Variants in ASIC2 observed in about 807,000 individuals in gnomAD.
ASIC2 encodes acid-sensing ion channel 2.
A neutral mutation model predicts 57.3 loss-of-function variants in ASIC2; 25 were observed. That is an observed-to-expected ratio of 0.44 (90% CI 0.32 to 0.61). The LOEUF (loss-of-function observed/expected upper bound fraction) is 0.61, where lower values mean the gene tolerates loss of function less well. Among genes scored for constraint, ASIC2 ranks in the 20% least tolerant of loss-of-function variants. The probability of loss-of-function intolerance (pLI) is 0.06; values close to 1 mark genes in which losing one functional copy is unlikely to be tolerated. For synonymous variants in ASIC2, 319 were observed against 307.5 expected (o/e 1.04, Z -0.39); for missense variants, 641 against 738.1 (o/e 0.87, Z 1.52).
intron 1 of ASIC2, among the ~76,000 whole-genome samples, chr17:33,324,226 T>C (rs1906978228): frequency 6.6e-6 from 1 of 152,164 alleles, no homozygotes; most frequent in African/African-American, 2.4e-5. Flanking sequence ...AGACCTCTTC[T>C]CATTAATTTG....
intron 1 of ASIC2, among the ~76,000 whole-genome samples, chr17:33,472,352 T>A (rs1913083772): frequency 6.6e-6 from 1 of 152,192 alleles, no homozygotes. Flanking sequence ...GATTGCTTGC[T>A]AAACACCCAC....
chr17:33,528,270 G>T (rs1294838287), intron 1 of ASIC2, among the ~76,000 whole-genome samples: 2 of 150,604 alleles, frequency 1.3e-5, no homozygotes, highest in Non-Finnish European at 3.0e-5. Context: ...TTGAGACAAA[G>T]CTTGGGGCCA....
chr17:33,671,651 G>C (rs915394962), intron 1 of ASIC2, among the ~76,000 whole-genome samples: 5 of 152,194 alleles, frequency 3.3e-5, no homozygotes, highest in Non-Finnish European at 5.9e-5. Context: ...CCACTTGGGA[G>C]GGTCCAAAGG....
In ASIC2 at chr17:33,659,743, G is replaced by C. The variant is rs576953668; in HGVS notation, c.555+496235C>G. ...AAAAATTAGCCGGGCGAGGTGGCAG[G>C]CGCCTGTAGTCCCAGCTACTGGGGA... On this transcript the variant is annotated intron_variant, in intron 1 of 9. Transcript: ENST00000359872. Among the ~76,000 whole-genome samples the C allele has an allele frequency of 3.9e-3, 596 of 151,910 alleles. 6 individuals are homozygous for C. The highest frequency in any genetic ancestry group is 0.014 in the African/African-American group (575 of 41,456).
intron 3 of ASIC2, among the ~76,000 whole-genome samples, chr17:33,076,583 C>G (rs2092089875): frequency 6.6e-6 from 1 of 152,220 alleles, no homozygotes; most frequent in Non-Finnish European, 1.5e-5. Context: ...AGGCACCACT[C>G]TAGACTTTTT....
At chr17:33,685,374 A>G (rs1362740671) in intron 1 of ASIC2, among the ~76,000 whole-genome samples, 1 of 152,054 alleles carries the variant, frequency 6.6e-6, no homozygotes, top group Admixed American at 6.6e-5. Context: ...TGTGGCCCTC[A>G]ACAGCCAGAA....
At chr17:33,433,563 C>T (rs1903710920) in intron 1 of ASIC2, among the ~76,000 whole-genome samples, 1 of 152,178 alleles carries the variant, frequency 6.6e-6, no homozygotes, top group South Asian at 2.1e-4. Flanking sequence ...CAAGACCAGC[C>T]TGGCCAACAT....
At chr17:33,190,828 G>T (rs959257372) in intron 1 of ASIC2, among the ~76,000 whole-genome samples, 1 of 150,264 alleles carries the variant, frequency 6.7e-6, no homozygotes, top group Non-Finnish European at 1.5e-5. Flanking sequence ...ACCATCCCAA[G>T]GGTCAGGGAA....
chr17:33,971,428 C>T (rs1351706370), intron 1 of ASIC2, among the ~76,000 whole-genome samples: 3 of 152,190 alleles, frequency 2.0e-5, no homozygotes, highest in Non-Finnish European at 4.4e-5. Context: ...CACACATATG[C>T]ACACACACAA....
At chr17:33,252,721 G>C (rs554603369) in intron 1 of ASIC2, among the ~76,000 whole-genome samples, 17 of 152,080 alleles carry the variant, frequency 1.1e-4, no homozygotes, top group Admixed American at 1.0e-3. Flanking sequence ...ATTCTTGCTG[G>C]AGTTCTGCCA....
At chr17:33,662,363 G>A (rs2142045524) in intron 1 of ASIC2, among the ~76,000 whole-genome samples, 1 of 152,236 alleles carries the variant, frequency 6.6e-6, no homozygotes, top group East Asian at 1.9e-4. Context: ...GCTCACGCTT[G>A]TAATTTCAGC....
chr17:33,343,573 C>G (rs1265044230), intron 1 of ASIC2, among the ~76,000 whole-genome samples: 2 of 152,250 alleles, frequency 1.3e-5, no homozygotes. Context: ...TTTTCCTATG[C>G]CATTCGCTTG....
chr17:33,414,088 C>A (rs12935847), intron 1 of ASIC2, among the ~76,000 whole-genome samples: 41,336 of 152,078 alleles, frequency 0.27, 6,808 homozygotes, highest in Non-Finnish European at 0.36. Flanking sequence ...CCGCAGCAGC[C>A]CAGTGGCCTA....
At chr17:33,106,957 G>A (rs55725010) in intron 2 of ASIC2, among the ~76,000 whole-genome samples, 25,482 of 152,110 alleles carry the variant, frequency 0.17, 2,337 homozygotes, top group Non-Finnish European at 0.21. Flanking sequence ...TAGGAGCCTT[G>A]GGTTCCACTC....
chr17:33,702,611 A>C (rs1908739447), intron 1 of ASIC2, among the ~76,000 whole-genome samples: 1 of 152,142 alleles, frequency 6.6e-6, no homozygotes, highest in African/African-American at 2.4e-5. Flanking sequence ...CCTATGAGCA[A>C]GGTGACCTAC....
intron 1 of ASIC2, chr17:34,006,863 G>T (rs1339904200): frequency 6.6e-6 from 1 of 152,044 alleles, no homozygotes; most frequent in African/African-American, 2.4e-5. Context: ...TGTTTGTTTT[G>T]CAAACTGAAG....
At chr17:33,666,961 T>C (rs773750731) in intron 1 of ASIC2, among the ~76,000 whole-genome samples, 3 of 152,216 alleles carry the variant, frequency 2.0e-5, no homozygotes, top group Non-Finnish European at 4.4e-5. Flanking sequence ...TATATTAAAA[T>C]ATTATTTGTC....
intron 3 of ASIC2, among the ~76,000 whole-genome samples, chr17:33,044,211 C>A (rs2141920792): frequency 6.6e-6 from 1 of 152,064 alleles, no homozygotes; most frequent in South Asian, 2.1e-4. Context: ...TTCCATCTGT[C>A]CATCCATCCA....
chr17:33,582,887 C>T (rs962371626), intron 1 of ASIC2, among the ~76,000 whole-genome samples: 1 of 152,148 alleles, frequency 6.6e-6, no homozygotes, highest in Non-Finnish European at 1.5e-5. Flanking sequence ...GCAGTGGGCA[C>T]TGTTATTTTA....
Sources: allele counts gnomAD v4.1 joint callset (sites outside exome capture counted in the v4.1 genomes callset), GRCh38; gene constraint gnomAD v4.1.1; transcripts MANE v1.5; gene names NCBI Gene and HGNC (gene_info 2026-07-23, HGNC 2026-07-21).